Variants in CLSTN2 observed in about 807,000 individuals in gnomAD.
The protein encoded by CLSTN2 is calsyntenin 2, also known as calsyntenin-2.
Under a neutral mutation model 101.2 loss-of-function variants are expected in CLSTN2, and 48 were observed. The ratio of observed to expected loss-of-function variants is 0.47; its 90% CI spans 0.38 to 0.60. The LOEUF is 0.60. Among genes scored for constraint, CLSTN2 ranks in the 20% least tolerant of loss-of-function variants. The probability of loss-of-function intolerance (pLI) is 0.00; values close to 1 mark genes in which losing one functional copy is unlikely to be tolerated. For missense variants in CLSTN2, 1,160 were observed against 1,238.2 expected (o/e 0.94, Z 0.95); for synonymous variants, 481 against 463.6 (o/e 1.04, Z -0.48).
chr3:140,198,192 T>A (rs1476874767), intron 2 of CLSTN2, among the ~76,000 whole-genome samples: 2 of 152,234 alleles, frequency 1.3e-5, no homozygotes, highest in Admixed American at 1.3e-4. Context: ...ATCTTCTTAC[T>A]GTAATTAAGT....
intron 1 of CLSTN2, among the ~76,000 whole-genome samples, chr3:139,968,757 T>C (rs62271926): frequency 0.01 from 1,566 of 152,324 alleles, 11 homozygotes; most frequent in Non-Finnish European, 0.017. Flanking sequence ...TAGAATATAT[T>C]GCTGCATAAA....
At chr3:139,950,907 C>G (rs1935284865) in intron 1 of CLSTN2, among the ~76,000 whole-genome samples, 1 of 152,180 alleles carries the variant, frequency 6.6e-6, no homozygotes, top group Non-Finnish European at 1.5e-5. Context: ...GCAAACAGAT[C>G]TGTGTGTGTT....
At chr3:140,046,625 T>C (rs138166331) in intron 1 of CLSTN2, among the ~76,000 whole-genome samples, 5,992 of 150,644 alleles carry the variant, frequency 0.04, 155 homozygotes, top group Non-Finnish European at 0.059. Context: ...TCTTTACAAT[T>C]TGGCATGTTT....
chr3:140,541,798 AG>A (rs1405231710), intron 9 of CLSTN2, among the ~76,000 whole-genome samples: 1 of 151,962 alleles, frequency 6.6e-6, no homozygotes, highest in Non-Finnish European at 1.5e-5. Context: ...CTCTGGGAGG[AG>A]GCCAGATTCT....
intron 1 of CLSTN2, among the ~76,000 whole-genome samples, chr3:140,162,894 G>C (rs539851126): frequency 6.6e-6 from 1 of 152,264 alleles, no homozygotes; most frequent in African/African-American, 2.4e-5. Context: ...TCATGCATTT[G>C]CTACCTTCTA....
At chr3:140,451,794 C>T (rs1319042435) in intron 6 of CLSTN2, among the ~76,000 whole-genome samples, 1 of 152,164 alleles carries the variant, frequency 6.6e-6, no homozygotes, top group African/African-American at 2.4e-5. Context: ...GGATGGTAGA[C>T]AAGCTTCTTG....
chr3:140,453,991 C>G (rs1334180168), intron 6 of CLSTN2, among the ~76,000 whole-genome samples: 1 of 152,136 alleles, frequency 6.6e-6, no homozygotes, highest in Admixed American at 6.5e-5. Flanking sequence ...CTGGAGCTTC[C>G]CAGCATGACA....
intron 4 of CLSTN2, among the ~76,000 whole-genome samples, chr3:140,415,076 A>G (rs973915340): frequency 2.6e-4 from 39 of 152,092 alleles, no homozygotes; most frequent in African/African-American, 9.4e-4. Flanking sequence ...CCAAGAATAC[A>G]CAATGGAAAA....
intron 1 of CLSTN2, among the ~76,000 whole-genome samples, chr3:139,952,916 T>G (rs1200780504): frequency 2.0e-5 from 3 of 152,100 alleles, no homozygotes; most frequent in Non-Finnish European, 2.9e-5. Context: ...GAAACAGACC[T>G]CCCTTCACCA....
intron 2 of CLSTN2, among the ~76,000 whole-genome samples, chr3:140,393,029 C>T (rs746280337): frequency 3.0e-4 from 45 of 152,164 alleles, no homozygotes; most frequent in African/African-American, 4.1e-4. Flanking sequence ...CCCAGTCCCA[C>T]GCCCATGATA....
At chr3:140,424,799 A>G (rs1398862527) in intron 5 of CLSTN2, among the ~76,000 whole-genome samples, 1 of 152,170 alleles carries the variant, frequency 6.6e-6, no homozygotes, top group Non-Finnish European at 1.5e-5. Context: ...ACCAGTGAAC[A>G]ATATGAGGAG....
At chr3:140,304,831 G>A (rs1295065971) in intron 2 of CLSTN2, among the ~76,000 whole-genome samples, 1 of 152,050 alleles carries the variant, frequency 6.6e-6, no homozygotes. Flanking sequence ...CACTTACTAG[G>A]TGTGTCATCT....
In CLSTN2 at chr3:140,187,849, T is replaced by G. The variant is rs369082759; in HGVS notation, c.232+11776T>G. On this transcript the variant is annotated intron_variant, in intron 2 of 16. Transcript: ENST00000458420. ...CTGAGCCAAATGCAACCCAACGTGG[T>G]GTAGTCAGACAGCAGGGGAGTGCTG... Among the ~76,000 whole-genome samples, 25 of 152,256 alleles carry G rather than the reference T, an allele frequency of 1.6e-4. No homozygotes were observed. The East Asian group carries it at 3.3e-3, about 20-fold the overall frequency.
At chr3:140,015,282 C>T (rs971461364) in intron 1 of CLSTN2, among the ~76,000 whole-genome samples, 1 of 152,202 alleles carries the variant, frequency 6.6e-6, no homozygotes, top group Non-Finnish European at 1.5e-5. Context: ...GAGTATACCC[C>T]TAGGCATTTG....
intron 1 of CLSTN2, among the ~76,000 whole-genome samples, chr3:140,057,168 C>A (rs545895723): frequency 6.6e-6 from 1 of 152,310 alleles, no homozygotes; most frequent in African/African-American, 2.4e-5. Flanking sequence ...GGAAGCAAAC[C>A]AATACACATC....
Position 140,030,997 on chromosome 3 carries a change from T to G in CLSTN2, c.109+95514T>G, listed in dbSNP as rs1407008285. Among the ~76,000 whole-genome samples the G allele has an allele frequency of 2.6e-5, 4 of 152,356 alleles. No homozygotes were observed. In the East Asian group the frequency reaches 7.7e-4, roughly 29 times the overall value. ...AGCCCTTCTGTTGGGGAGGTGCGTT[T>G]GCTTTGACACTGCCTCTTCTTGCTT... On this transcript the variant is annotated intron_variant, in intron 1 of 16. Transcript: ENST00000458420.
chr3:140,238,332 GGTTCACTCTCTACACTGAATTAT>G (rs2086433620), intron 2 of CLSTN2, among the ~76,000 whole-genome samples: 1 of 152,008 alleles, frequency 6.6e-6, no homozygotes, highest in Non-Finnish European at 1.5e-5. Context: ...AAGAGATTAT[GGTTCACTCTCTACACTGAATTAT>G]GCATGGTTTT....
intron 1 of CLSTN2, among the ~76,000 whole-genome samples, chr3:140,145,706 G>A (rs1201911705): frequency 6.6e-6 from 1 of 152,186 alleles, no homozygotes; most frequent in Non-Finnish European, 1.5e-5. Flanking sequence ...CATATTTCCA[G>A]CTTTTTCTGC....
intron 2 of CLSTN2, among the ~76,000 whole-genome samples, chr3:140,364,549 G>A (rs374725469): frequency 6.6e-6 from 1 of 152,124 alleles, no homozygotes; most frequent in Non-Finnish European, 1.5e-5. Context: ...GGGTACCTAT[G>A]TCCAGGGCGC....
Sources: allele counts gnomAD v4.1 joint callset (sites outside exome capture counted in the v4.1 genomes callset), GRCh38; gene constraint gnomAD v4.1.1; transcripts MANE v1.5; gene names NCBI Gene and HGNC (gene_info 2026-07-23, HGNC 2026-07-21).